The following BRINP1 variants were observed in gnomAD, a reference collection of about 807,000 sequenced individuals.
The protein encoded by BRINP1 is BMP/retinoic acid inducible neural specific 1.
BRINP1 carries 17 observed loss-of-function variants against 72.9 expected under a neutral mutation model. That is an observed-to-expected ratio of 0.23 (90% confidence interval 0.16 to 0.35). The LOEUF (loss-of-function observed/expected upper bound fraction) is 0.35, where lower values mean the gene tolerates loss of function less well. Among genes scored for constraint, BRINP1 ranks in the 10% least tolerant of loss-of-function variants. The pLI, the probability that BRINP1 is intolerant of heterozygous loss-of-function variation, is 1.00. For synonymous variants in BRINP1, 418 were observed against 378.5 expected, an observed-to-expected ratio of 1.10 and a Z score of -1.21; for missense variants, 850 against 1,001.6, an observed-to-expected ratio of 0.85 and a Z score of 2.04.
chr9:119,174,781 G>T (rs948153182), intron 7 of BRINP1, among the ~76,000 whole-genome samples: 15 of 151,734 alleles, frequency 9.9e-5, no homozygotes, highest in Non-Finnish European at 1.8e-4. Context: ...GGAATACTAT[G>T]CATCCATAAA....
At chr9:119,228,417 ATACTC>A (rs1293148523) in intron 5 of BRINP1, among the ~76,000 whole-genome samples, 1 of 152,064 alleles carries the variant, frequency 6.6e-6, no homozygotes, top group East Asian at 1.9e-4. Context: ...AAAGAGGCCT[ATACTC>A]TAATCTAATA....
intron 2 of BRINP1, among the ~76,000 whole-genome samples, chr9:119,292,932 G>A (rs1261608539): frequency 6.6e-6 from 1 of 152,164 alleles, no homozygotes; most frequent in Non-Finnish European, 1.5e-5. Context: ...AGTTTTCCCT[G>A]AGAAGATTAC....
intron 6 of BRINP1, chr9:119,213,691 C>T (rs1164503051): frequency 1.2e-5 from 7 of 608,510 alleles, no homozygotes; most frequent in South Asian, 3.9e-5. Flanking sequence ...AGAAACAATA[C>T]ATCATATGAC....
intron 7 of BRINP1, among the ~76,000 whole-genome samples, chr9:119,177,729 T>C (rs1289245598): frequency 6.6e-6 from 1 of 152,174 alleles, no homozygotes; most frequent in Non-Finnish European, 1.5e-5. Flanking sequence ...TGAAAGTTCC[T>C]GGTGATGCTG....
At chr9:119,239,006 G>A (rs78236744) in intron 4 of BRINP1, among the ~76,000 whole-genome samples, 7,156 of 152,210 alleles carry the variant, frequency 0.047, 573 homozygotes, top group African/African-American at 0.16. Flanking sequence ...CACTTCACAC[G>A]GTGGCTGCAA....
chr9:119,188,313 G>A (rs1299077356), intron 7 of BRINP1, among the ~76,000 whole-genome samples: 1 of 151,968 alleles, frequency 6.6e-6, no homozygotes, highest in Non-Finnish European at 1.5e-5. Flanking sequence ...AAAAGGCCAG[G>A]AAATAATAGG....
At chr9:119,279,242 T>C (rs1369340781) in intron 2 of BRINP1, among the ~76,000 whole-genome samples, 1 of 152,232 alleles carries the variant, frequency 6.6e-6, no homozygotes, top group Non-Finnish European at 1.5e-5. Context: ...CATCACCTAA[T>C]GGATGTATTA....
chr9:119,277,241 C>T (rs1830666144), intron 2 of BRINP1, among the ~76,000 whole-genome samples: 1 of 152,140 alleles, frequency 6.6e-6, no homozygotes, highest in South Asian at 2.1e-4. Context: ...CTTTATTTTT[C>T]CCTTCTGCCC....
intron 2 of BRINP1, among the ~76,000 whole-genome samples, chr9:119,301,283 C>T (rs1364275756): frequency 2.0e-5 from 3 of 152,192 alleles, no homozygotes; most frequent in Non-Finnish European, 4.4e-5. Flanking sequence ...CTTTTCCTTA[C>T]TTAACCTAGA....
intron 2 of BRINP1, among the ~76,000 whole-genome samples, chr9:119,291,717 G>A (rs767822158): frequency 2.6e-5 from 4 of 152,200 alleles, no homozygotes; most frequent in Non-Finnish European, 4.4e-5. Flanking sequence ...GATGGATGAG[G>A]AAGCAGATGA....
intron 1 of BRINP1, among the ~76,000 whole-genome samples, chr9:119,346,915 ACATGTTAGGTGTCTCTACAGAGTT>A (rs1258018809): frequency 1.3e-5 from 2 of 152,106 alleles, no homozygotes; most frequent in Non-Finnish European, 1.5e-5. Flanking sequence ...CATTAATCGG[ACATGTTAGGTGTCTCTACAGAGTT>A]CACTAGACCC....
At chr9:119,254,110 T>C (rs1273945478) in intron 2 of BRINP1, among the ~76,000 whole-genome samples, 5 of 152,166 alleles carry the variant, frequency 3.3e-5, no homozygotes, top group Non-Finnish European at 5.9e-5. Context: ...TGATTACATA[T>C]TCGAAATTTG....
At position 119,316,355 on chromosome 9, in the gene BRINP1, T is replaced by C. The variant is rs148825420; in HGVS notation, c.-50-2950A>G. Among the ~76,000 whole-genome samples the C allele has an allele frequency of 2.8e-3, 425 of 152,348 alleles. 3 individuals carry two copies. The highest frequency in any genetic ancestry group is 0.01 in the Middle Eastern group (3 of 294). On this transcript the variant is annotated intron_variant, in intron 1 of 7. Transcript: ENST00000265922. ...TGCCCGCCTCAGCCTCCCAAAGTGC[T>C]GGGATTACAGGCGTGAGCCACCGTG...
chr9:119,290,105 A>G (rs944164116), intron 2 of BRINP1, among the ~76,000 whole-genome samples: 2 of 152,202 alleles, frequency 1.3e-5, no homozygotes, highest in African/African-American at 4.8e-5. Context: ...GAACAACAAC[A>G]ATAATTTAAA....
Position 119,368,590 on chromosome 9 carries a change from G to T in BRINP1, c.-51+466C>A, listed in dbSNP as rs1831720233. Among the ~76,000 whole-genome samples the T allele has an allele frequency of 6.6e-6, 1 of 151,982 alleles. No homozygotes were observed. Among genetic ancestry groups the T allele is most frequent in the Non-Finnish European group, 1.5e-5 (1 of 68,008 alleles). Reference sequence around the variant, plus strand: ...GGTCCCATTCCGTGTAAGCTGGAGAGACCTAATTAAAAAGACACACGAGGG... The same window carrying T: ...GGTCCCATTCCGTGTAAGCTGGAGATACCTAATTAAAAAGACACACGAGGG... On this transcript the variant is annotated intron_variant, in intron 1 of 7. Transcript: ENST00000265922. This position sits in a 1 kb window ranked among gnomAD's most constrained non-coding sequence, Gnocchi z 4.7.
chr9:119,194,728 A>G (rs2118854617), intron 7 of BRINP1, among the ~76,000 whole-genome samples: 1 of 152,316 alleles, frequency 6.6e-6, no homozygotes, highest in East Asian at 1.9e-4. Context: ...TACAACCACA[A>G]GAAACTGAAT....
chr9:119,356,291 C>G (rs1353920991), intron 1 of BRINP1, among the ~76,000 whole-genome samples: 1 of 152,188 alleles, frequency 6.6e-6, no homozygotes, highest in Non-Finnish European at 1.5e-5. Context: ...TATAAAATAC[C>G]AAGTCCTCTC....
At chr9:119,180,479 ATGTG>A (rs112009324) in intron 7 of BRINP1, among the ~76,000 whole-genome samples, 38,607 of 132,040 alleles carry the variant, frequency 0.29, 5,297 homozygotes, top group East Asian at 0.38. Context: ...CTCTCTGTGC[ATGTG>A]TGTGTGTGTG....
chr9:119,313,444 G>T, intron 1 of BRINP1, 39 bp from the exon 2 acceptor site: 1 of 1,477,790 alleles, frequency 6.8e-7, no homozygotes, highest in South Asian at 1.4e-5. Flanking sequence ...GAAAAAAAGA[G>T]AAACCAAAAG....
Sources: gnomAD v4.1 joint callset for allele counts (sites outside exome capture counted in the v4.1 genomes callset) on GRCh38, gnomAD v4.1.1 for gene constraint, Gnocchi (gnomAD v3.1) non-coding constraint, MANE v1.5 for transcripts, NCBI Gene and HGNC (gene_info 2026-07-23, HGNC 2026-07-21) for gene names.